The following DNAH9 variants were observed in gnomAD, a reference collection of about 807,000 sequenced individuals.
DNAH9 encodes the protein DNAH9 variant protein.
In DNAH9, 345 loss-of-function variants were observed where a neutral mutation model predicts 471.6. That is an observed-to-expected ratio of 0.73 (90% confidence interval 0.67 to 0.80). DNAH9 has a LOEUF of 0.80. DNAH9 is among the 30% of genes least tolerant of loss of function. The pLI, the probability that DNAH9 is intolerant of heterozygous loss-of-function variation, is 0.00. For synonymous variants in DNAH9, 2,093 were observed against 2,123.6 expected, an observed-to-expected ratio of 0.99 and a Z score of 0.40; for missense variants, 5,407 against 5,609.2, an observed-to-expected ratio of 0.96 and a Z score of 1.15.
intron 55 of DNAH9, chr17:11,882,974 A>G (rs3760435): frequency 0.67 from 659,381 of 985,178 alleles, 221,595 homozygotes; most frequent in East Asian, 0.81. Flanking sequence ...TCTTCCCACG[A>G]ATCCAAAGGC....
At chr17:11,727,784 G>A (rs746963208) in intron 27 of DNAH9, 34 bp from the exon 28 acceptor site, 81 of 1,456,044 alleles carry the variant, frequency 5.6e-5, no homozygotes, top group Middle Eastern at 1.7e-4. Context: ...AGCCTGGCCC[G>A]TTGGTAATTT....
chr17:11,802,006 A>C (rs1969479481), intron 43 of DNAH9, among the ~76,000 whole-genome samples: 1 of 152,220 alleles, frequency 6.6e-6, no homozygotes, highest in Non-Finnish European at 1.5e-5. Context: ...CAATGGCAAA[A>C]TAACTGGGAA....
At position 11,669,546 on chromosome 17, in the gene DNAH9, C is replaced by T. The variant is rs1223521543; in HGVS notation, c.3105C>T (p.Leu1035=). 1 of 1,614,054 alleles carries T rather than the reference C, an allele frequency of 6.2e-7. No homozygotes were observed. Residue 1035 remains leucine, a synonymous_variant, in exon 17 of 69, where the codon CTC becomes CTT. Coordinates refer to ENST00000262442, the MANE Select transcript of DNAH9 (RefSeq NM_001372.4). ...LGQFLLYGHI[L]TPEEIEDHVE... is the part of the protein sequence containing the mutation. ...AGTTTCTGCTGTACGGGCACATCCT[C>T]ACTCCGGAAGAAATTGAAGACCATG...
chr17:11,606,628 T>G (rs1375768938), intron 1 of DNAH9, among the ~76,000 whole-genome samples: 1 of 151,502 alleles, frequency 6.6e-6, no homozygotes, highest in Non-Finnish European at 1.5e-5. Flanking sequence ...TTTTTGTATT[T>G]TAGTAGAGAC....
At chr17:11,788,303 G>A (rs547690323) in intron 41 of DNAH9, among the ~76,000 whole-genome samples, 17 of 152,206 alleles carry the variant, frequency 1.1e-4, no homozygotes, top group Non-Finnish European at 2.5e-4. Context: ...TCTGGGTAGA[G>A]CCAAGGAGAC....
chr17:11,847,894 G>A (rs542786068), intron 49 of DNAH9, among the ~76,000 whole-genome samples: 9 of 151,824 alleles, frequency 5.9e-5, no homozygotes, highest in African/African-American at 1.2e-4. Flanking sequence ...GTGAGATCCC[G>A]GTAGTCATTT....
chr17:11,915,544 CACAA>C (rs948926442), intron 61 of DNAH9, among the ~76,000 whole-genome samples: 4 of 151,048 alleles, frequency 2.6e-5, no homozygotes, highest in South Asian at 2.1e-4. Flanking sequence ...CACAAACACA[CACAA>C]ACAAACAAAA....
chr17:11,599,935 G>A (rs970853125), intron 1 of DNAH9, among the ~76,000 whole-genome samples: 3 of 152,170 alleles, frequency 2.0e-5, no homozygotes, highest in Non-Finnish European at 4.4e-5. Context: ...TTTTAAGACT[G>A]GGGTGAGGGT....
At position 11,628,330 on chromosome 17, in the gene DNAH9, G is replaced by A. The variant is rs181703899; in HGVS notation, c.1351-1087G>A. ...ATCCTCCCCAAGGCTTCTGGGTTGC[G>A]CCGTCCACCTGTCATTGGATCTCAA... On this transcript the variant is annotated intron_variant, in intron 6 of 68. Transcript: ENST00000262442. Among the ~76,000 whole-genome samples, 275 of 152,306 alleles carry A rather than the reference G, an allele frequency of 1.8e-3. 2 individuals are homozygous for A. The highest frequency in any genetic ancestry group is 6.2e-3 in the African/African-American group (257 of 41,572).
intron 50 of DNAH9, among the ~76,000 whole-genome samples, chr17:11,867,721 G>A (rs1567861337): frequency 1.3e-5 from 2 of 152,158 alleles, no homozygotes; most frequent in Non-Finnish European, 2.9e-5. Context: ...TTCTAGGTCT[G>A]CAGGCAAGGG....
rs2073500646 is a variant in DNAH9 at position 11,651,240 on chromosome 17, G to A, written c.2269G>A (p.Glu757Lys). ...GGTTATGAAAACTCTGCTGGAGGTGGAATTTCCATTAGTGGAGGAAGAGCT... is the reference window on the plus strand; with the variant it reads ...GGTTATGAAAACTCTGCTGGAGGTGAAATTTCCATTAGTGGAGGAAGAGCT... Reference protein sequence around the residue: ...NKVMKTLLEVEFPLVEEELQN... With the variant: ...NKVMKTLLEVKFPLVEEELQN... Residue 757 changes from glutamate to lysine, a missense_variant, in exon 13 of 69, where the codon GAA (glutamate) becomes AAA (lysine). This residue lies in a region of DNAH9 where 4,636 missense variants were observed against 4,900.3 expected (regional missense o/e 0.95). Transcript: ENST00000262442. The A allele has an allele frequency of 6.2e-7, 1 of 1,613,916 alleles. No homozygotes were observed. Among genetic ancestry groups the A allele is most frequent in the Non-Finnish European group, 8.5e-7 (1 of 1,179,982 alleles).
intron 3 of DNAH9, 69 bp downstream of exon 3, chr17:11,610,623 C>T (rs2072614716): frequency 1.3e-6 from 2 of 1,495,522 alleles, no homozygotes; most frequent in South Asian, 1.2e-5. Context: ...CTAGAGCTTT[C>T]CTGGGTTAAG....
At chr17:11,950,638 T>A (rs958892790) in intron 67 of DNAH9, among the ~76,000 whole-genome samples, 2 of 152,202 alleles carry the variant, frequency 1.3e-5, no homozygotes, top group African/African-American at 4.8e-5. Context: ...AGTGTTGGAA[T>A]TACAGGCATG....
intron 19 of DNAH9, among the ~76,000 whole-genome samples, chr17:11,683,787 G>T (rs1382722022): frequency 6.6e-6 from 1 of 152,204 alleles, no homozygotes; most frequent in African/African-American, 2.4e-5. Context: ...ACATGCAGAT[G>T]AATCCCTGGA....
At position 11,747,894 on chromosome 17, in the gene DNAH9, CAAAA is replaced by C. The variant is rs967584318; in HGVS notation, c.6610+131_6610+134del. On this transcript the variant is annotated intron_variant, in intron 32 of 68. Transcript: ENST00000262442. ...ATCTGTTTGGAACCGCGGAGGGAGACAAAAAAGCCAGTAGAAAGGGAGAAACCAA... is the reference window on the plus strand; with the variant it reads ...ATCTGTTTGGAACCGCGGAGGGAGACAAGCCAGTAGAAAGGGAGAAACCAA... The C allele has an allele frequency of 2.7e-4, 224 of 824,466 alleles. 1 individual carries two copies. The highest frequency in any genetic ancestry group is 3.7e-4 in the Non-Finnish European group (195 of 531,100). 51.1% of individuals were successfully genotyped at this position (824,466 alleles called of 1,614,324 possible). A position where few individuals can be genotyped will look rare whatever the true frequency, so the allele number is the denominator to read the frequency against.
chr17:11,942,480 T>C lies in DNAH9; in HGVS notation c.12838T>C (p.Leu4280=). The C allele has an allele frequency of 6.2e-7, 1 of 1,613,704 alleles. No individual in the cohort carries two copies. Among genetic ancestry groups the C allele is most frequent in the Non-Finnish European group, 8.5e-7 (1 of 1,179,856 alleles). Reference sequence around the variant, plus strand: ...CTCACTGAGGGAGCTGGAGCTCGGCTTAAAGGTGAGCGCGGTCTTGTAAGG... The same window carrying C: ...CTCACTGAGGGAGCTGGAGCTCGGCCTAAAGGTGAGCGCGGTCTTGTAAGG... ...QRSLRELELG[L]KGELTMTSHM... is the part of the protein sequence containing the mutation. The change falls in exon 67 of 69, where the codon TTA becomes CTA. Residue 4280 remains leucine (L), a synonymous_variant. Transcript: ENST00000262442.
rs1268297623 is a variant in DNAH9, at chr17:11,629,554, C to T, written c.1488C>T (p.Ser496=). ...AGATGTACAGGCTTCTCTCAGGATC[C>T]TCCTCCGACTGCCTGTACCTCCAAA... ...FQEMYRLLSG[S]SSDCLYLQST... The change falls in exon 7 of 69, where the codon TCC becomes TCT. Residue 496 remains serine, a synonymous_variant. Transcript: ENST00000262442. The T allele has an allele frequency of 6.2e-7, 1 of 1,613,960 alleles. No homozygotes were observed. Among genetic ancestry groups the T allele is most frequent in the Admixed American group, 1.7e-5 (1 of 60,024 alleles).
At position 11,747,574 on chromosome 17, in the gene DNAH9, C is replaced by T; in HGVS notation, c.6418C>T (p.Leu2140Phe). ...FVLKVVQLEE[L>F]LAVRHSVFVV... ...TCCTCAGGTGGTCCAGCTGGAGGAG[C>T]TCCTGGCTGTGCGGCACTCTGTATT... The change falls in exon 32 of 69, where the codon CTC (leucine) becomes TTC (phenylalanine). Residue 2140 changes from leucine (L) to phenylalanine (F), a missense_variant. Physicochemically the swap from Leu to Phe is conservative, Grantham distance 22. Coordinates refer to ENST00000262442, the MANE Select transcript of DNAH9 (RefSeq NM_001372.4). 2 of 1,613,678 alleles carry T rather than the reference C, an allele frequency of 1.2e-6. No individual in the cohort carries two copies. Among genetic ancestry groups the T allele is most frequent in the South Asian group, 1.1e-5 (1 of 91,046 alleles).
At chr17:11,939,956 A>G (rs984315675) in intron 66 of DNAH9, among the ~76,000 whole-genome samples, 1 of 152,118 alleles carries the variant, frequency 6.6e-6, no homozygotes, top group African/African-American at 2.4e-5. Flanking sequence ...CGGATGATAG[A>G]GGAATAGAGT....
Sources: gnomAD v4.1 joint callset for allele counts (sites outside exome capture counted in the v4.1 genomes callset) on GRCh38, gnomAD v4.1.1 for gene constraint, gnomAD v4.1.1 regional missense constraint, MANE v1.5 for transcripts, NCBI Gene and HGNC (gene_info 2026-07-23, HGNC 2026-07-21) for gene names.